MAP3K2: variants seen among roughly 807,000 people sequenced by gnomAD.
MAP3K2 encodes the protein mitogen-activated protein kinase kinase kinase 2, also known as MAP/ERK kinase kinase 2.
Under a neutral mutation model 80.3 loss-of-function variants are expected in MAP3K2, and 24 were observed. The observed-to-expected ratio is 0.30, with a 90% CI of 0.22 to 0.42. The LOEUF is 0.42. MAP3K2 is among the 10% of genes least tolerant of loss of function. The pLI, the probability that MAP3K2 is intolerant of heterozygous loss-of-function variation, is 1.00. For synonymous variants in MAP3K2, 244 were observed against 253.7 expected (o/e 0.96, Z 0.36); for missense variants, 608 against 750.1 (o/e 0.81, Z 2.21).
chr2:127,336,075 G>A (rs1300739695), intron 4 of MAP3K2, 106 bp from the exon 5 acceptor site: 7 of 626,554 alleles, frequency 1.1e-5, no homozygotes, highest in Admixed American at 2.6e-5. Context: ...TAAAAATTAC[G>A]TAAATATTCA....
At chr2:127,359,381 T>C (rs1686847944) in intron 1 of MAP3K2, among the ~76,000 whole-genome samples, 1 of 152,134 alleles carries the variant, frequency 6.6e-6, no homozygotes, top group South Asian at 2.1e-4. Context: ...AAAAATAAAC[T>C]TCCCTCCTTT....
chr2:127,379,531 C>A (rs1005937541), intron 1 of MAP3K2, among the ~76,000 whole-genome samples: 2 of 152,102 alleles, frequency 1.3e-5, no homozygotes, highest in Non-Finnish European at 2.9e-5. Flanking sequence ...TTAAAGTTTT[C>A]TTCAATACAC....
chr2:127,301,358 A>G lies in MAP3K2; in HGVS notation c.*6221T>C, dbSNP rs1685589708. On this transcript the variant is annotated 3_prime_UTR_variant, in exon 17 of 17. Coordinates refer to ENST00000682094, the MANE Select transcript of MAP3K2 (RefSeq NM_001371910.2). ...TGACATTAACAAGATTGGCACATGT[A>G]CAAGCTTAAATTCATGTCTACATAG... is the stretch of plus-strand genomic sequence containing the variant. 6.6e-6 allele frequency: 1 copy of G among 152,258 alleles called. No individual in the cohort carries two copies. Among genetic ancestry groups the G allele is most frequent in the Non-Finnish European group, 1.5e-5 (1 of 68,038 alleles). The allele number at this position is 152,258 out of a possible 1,614,324, so 9.4% of individuals were successfully genotyped here.
rs1685704870 is a variant in MAP3K2, at chr2:127,306,619, A to G, written c.*960T>C. On this transcript the variant is annotated 3_prime_UTR_variant, in exon 17 of 17. Coordinates refer to ENST00000682094, the MANE Select transcript of MAP3K2 (RefSeq NM_001371910.2). The surrounding 1 kb of genome is among the most constrained non-coding windows in gnomAD (Gnocchi z 4.7). The stretch of plus-strand genomic sequence containing the variant: ...GGGAATCAGGAGCTGGAAATAGAAG[A>G]TGGTATACATGATTTTGATTATTTC... 1 of 152,198 alleles carries G rather than the reference A, an allele frequency of 6.6e-6. No homozygotes were observed. The highest frequency in any genetic ancestry group is 6.5e-5 in the Admixed American group (1 of 15,270). The allele number at this position is 152,198 out of a possible 1,614,324, so 9.4% of individuals were successfully genotyped here.
At chr2:127,316,006 TG>T (rs1410588618) in intron 14 of MAP3K2, among the ~76,000 whole-genome samples, 1 of 149,330 alleles carries the variant, frequency 6.7e-6, no homozygotes, top group African/African-American at 2.5e-5. Flanking sequence ...ATTCAGGAGG[TG>T]GAAGTTGCAG....
intron 1 of MAP3K2, among the ~76,000 whole-genome samples, chr2:127,367,144 G>A (rs1686987481): frequency 6.6e-6 from 1 of 152,060 alleles, no homozygotes; most frequent in Non-Finnish European, 1.5e-5. Context: ...ATAACAGCTT[G>A]GGGGTGAAGT....
chr2:127,378,654 C>T (rs1291823104), intron 1 of MAP3K2, among the ~76,000 whole-genome samples: 1 of 152,114 alleles, frequency 6.6e-6, no homozygotes, highest in Admixed American at 6.6e-5. Flanking sequence ...ACTGTTAAAT[C>T]AGGTACAGGT....
At chr2:127,338,057 G>A (rs954158088) in intron 3 of MAP3K2, among the ~76,000 whole-genome samples, 12 of 152,060 alleles carry the variant, frequency 7.9e-5, no homozygotes, top group African/African-American at 2.9e-4. Flanking sequence ...ATCCTGTTAT[G>A]GGAAATACAG....
rs1420544493 is a variant in MAP3K2, at chr2:127,299,324, C to T, written c.*8255G>A. On this transcript the variant is annotated 3_prime_UTR_variant, in exon 17 of 17. Coordinates refer to ENST00000682094, the MANE Select transcript of MAP3K2 (RefSeq NM_001371910.2). ...CACAGTACAATATAAAGACACACAA[C>T]GTATGTTTGGACATTTCAAAACCAA... The T allele has an allele frequency of 6.6e-6, 1 of 152,152 alleles. No individual in the cohort carries two copies. The highest frequency in any genetic ancestry group is 1.5e-5 in the Non-Finnish European group (1 of 68,010). 9.4% of individuals were successfully genotyped at this position (152,152 alleles called of 1,614,324 possible).
rs1306057631 is a variant in MAP3K2 at position 127,364,084 on chromosome 2, AGCACACATAT to A, written c.-65-20900_-65-20891del. 6.6e-6 allele frequency among the ~76,000 whole-genome samples: 1 copy of A among 152,182 alleles called. No homozygotes were observed. Among genetic ancestry groups the A allele is most frequent in the Non-Finnish European group, 1.5e-5 (1 of 68,012 alleles). On this transcript the variant is annotated intron_variant, in intron 1 of 16. Coordinates refer to ENST00000682094, the MANE Select transcript of MAP3K2 (RefSeq NM_001371910.2). The surrounding 1 kb of genome is among the most constrained non-coding windows in gnomAD (Gnocchi z 4.1). ...TCTCCTTACAACCATAACATAATAT[AGCACACATAT>A]GTTTCAGTCAATCTAACCTATCTGC...
chr2:127,363,717 T>C (rs1202954946), intron 1 of MAP3K2, among the ~76,000 whole-genome samples: 1 of 152,198 alleles, frequency 6.6e-6, no homozygotes, highest in Non-Finnish European at 1.5e-5. Flanking sequence ...ACTTATTTAT[T>C]TTAGAGATAG....
intron 15 of MAP3K2, among the ~76,000 whole-genome samples, chr2:127,309,107 C>T (rs1361023078): frequency 1.3e-5 from 2 of 152,186 alleles, no homozygotes; most frequent in African/African-American, 4.8e-5. Context: ...CCCCCAGTTT[C>T]TCTATCATAA....
At chr2:127,320,044 C>T (rs1274167417) in intron 12 of MAP3K2, among the ~76,000 whole-genome samples, 2 of 152,146 alleles carry the variant, frequency 1.3e-5, no homozygotes, top group African/African-American at 4.8e-5. Context: ...AGAGCTGTGC[C>T]TATTTCCAGG....
intron 5 of MAP3K2, among the ~76,000 whole-genome samples, chr2:127,331,194 G>A (rs1271066867): frequency 6.6e-6 from 1 of 152,040 alleles, no homozygotes; most frequent in Admixed American, 6.6e-5. Context: ...CACCTAAGAG[G>A]TCTATGAGAA....
chr2:127,334,773 C>CA (rs2104838151), intron 5 of MAP3K2, among the ~76,000 whole-genome samples: 2 of 66,356 alleles, frequency 3.0e-5, no homozygotes, highest in South Asian at 1.4e-3. Context: ...ATACTTTATG[C>CA]ATTTTTTTTT....
chr2:127,307,641 C>G lies in MAP3K2; in HGVS notation c.1798G>C (p.Glu600Gln). Residue 600 changes from glutamate (E) to glutamine (Q), a missense_variant, in exon 17 of 17, where the codon GAG becomes CAG. Glu to Gln is a conservative substitution (Grantham distance 29, BLOSUM62 2). Around this residue, in one of 4 missense-constraint regions of MAP3K2, gnomAD observed 42 missense variants for 53.7 expected, o/e 0.78. Coordinates refer to ENST00000682094, the MANE Select transcript of MAP3K2 (RefSeq NM_001371910.2). The surrounding 1 kb of genome is among the most constrained non-coding windows in gnomAD (Gnocchi z 5.4). ...TCAGCTGAAGGTCTCAGTTTGGCCT[C>G]TACAAAAATCCGTTTGAGGAAATCT... is the stretch of plus-strand genomic sequence containing the variant. The part of the protein sequence containing the change: ...TRDFLKRIFV[E>Q]AKLRPSADEL... The G allele has an allele frequency of 6.3e-7, 1 of 1,588,930 alleles. No homozygotes were observed. Among genetic ancestry groups the G allele is most frequent in the Non-Finnish European group, 8.6e-7 (1 of 1,166,998 alleles).
At chr2:127,362,724 C>T (rs1049938763) in intron 1 of MAP3K2, among the ~76,000 whole-genome samples, 2 of 152,180 alleles carry the variant, frequency 1.3e-5, no homozygotes, top group Admixed American at 6.5e-5. Context: ...GTCAGTGCCA[C>T]GGTTCCTCTG....
Position 127,307,590 on chromosome 2 carries a change from G to T in MAP3K2, c.1849C>A (p.His617Asn). The T allele has an allele frequency of 6.4e-7, 1 of 1,565,504 alleles. No homozygotes were observed. The highest frequency in any genetic ancestry group is 8.7e-7 in the Non-Finnish European group (1 of 1,154,624). The change falls in exon 17 of 17, where the codon CAT (histidine) becomes AAT (asparagine). Residue 617 changes from histidine (H) to asparagine (N), a missense_variant. Coordinates refer to ENST00000682094, the MANE Select transcript of MAP3K2 (RefSeq NM_001371910.2). The surrounding 1 kb of genome is among the most constrained non-coding windows in gnomAD (Gnocchi z 5.4). The part of the protein sequence containing the change: ...ADELLRHMFV[H>N]YH ...GAGGTTACTGGCTGCTAGTGATAATGCACAAACATGTGCCTTAAGAGTTCA... is the reference window on the plus strand; with the variant it reads ...GAGGTTACTGGCTGCTAGTGATAATTCACAAACATGTGCCTTAAGAGTTCA...
chr2:127,329,800 A>G, intron 7 of MAP3K2, 121 bp downstream of exon 7: 1 of 616,796 alleles, frequency 1.6e-6, no homozygotes, highest in Non-Finnish European at 2.8e-6. Flanking sequence ...AAATTAAATT[A>G]TAGGAAGTAG....
Sources: gnomAD v4.1 joint callset for allele counts (sites outside exome capture counted in the v4.1 genomes callset) on GRCh38, gnomAD v4.1.1 for gene constraint, gnomAD v4.1.1 regional missense constraint, Gnocchi (gnomAD v3.1) non-coding constraint, MANE v1.5 for transcripts, NCBI Gene and HGNC (gene_info 2026-07-23, HGNC 2026-07-21) for gene names.